Variants in DGKA observed in about 807,000 individuals in gnomAD.
DGKA encodes the protein 80 kDa diacylglycerol kinase.
Under a neutral mutation model 105.0 loss-of-function variants are expected in DGKA, and 35 were observed. The observed-to-expected ratio is 0.33, with a 90% CI of 0.25 to 0.44. The LOEUF (loss-of-function observed/expected upper bound fraction) is 0.44, where lower values mean the gene tolerates loss of function less well. Ranked by LOEUF, DGKA falls within the 20% of genes least tolerant of loss-of-function variation. The pLI is 1.00. For missense variants in DGKA, 665 were observed against 915.0 expected (o/e 0.73, Z 3.53); for synonymous variants, 296 against 332.0 (o/e 0.89, Z 1.18).
intron 4 of DGKA, 90 bp downstream of exon 4, chr12:55,937,633 C>T (rs974558757): frequency 2.4e-5 from 36 of 1,512,626 alleles, no homozygotes; most frequent in Admixed American, 9.4e-5. Context: ...TTGAGTCACA[C>T]GTTGTGCAGG....
intron 17 of DGKA, among the ~76,000 whole-genome samples, chr12:55,950,318 A>T (rs1887906212): frequency 7.1e-6 from 1 of 140,904 alleles, no homozygotes; most frequent in Non-Finnish European, 1.6e-5. Context: ...TTTATTTTTT[A>T]TTTTTTGAGA....
chr12:55,940,731 C>T lies in DGKA; in HGVS notation c.1017+9C>T, dbSNP rs1245484046. On this transcript the variant is annotated intron_variant, in intron 12 of 23. Transcript: ENST00000331886. The surrounding 1 kb of genome is among the most constrained non-coding windows in gnomAD (Gnocchi z 4.3). ...TCTATCCCAGTGTCCTGGTGAGACC[C>T]TCGGCAGCAGCGGGGAGGGGACAGG... 1.2e-6 allele frequency: 2 copies of T among 1,612,450 alleles called. No individual in the cohort carries two copies. Among genetic ancestry groups the T allele is most frequent in the Non-Finnish European group, 1.7e-6 (2 of 1,179,600 alleles).
chr12:55,948,156 C>T (rs1280411753), intron 17 of DGKA, among the ~76,000 whole-genome samples: 1 of 150,892 alleles, frequency 6.6e-6, no homozygotes, highest in Non-Finnish European at 1.5e-5. Context: ...AATCCCAGCA[C>T]TTTGGGAGGC....
chr12:55,937,123 C>T, intron 3 of DGKA, 33 bp downstream of exon 3: 1 of 1,607,224 alleles, frequency 6.2e-7, no homozygotes, highest in East Asian at 2.2e-5. Flanking sequence ...TCTTCTTGAT[C>T]AACTCTTCCC....
rs890601781 is a variant in DGKA, at chr12:55,946,329, C to G, written c.1426+4066C>G. Among the ~76,000 whole-genome samples the G allele has an allele frequency of 4.6e-5, 7 of 151,732 alleles. No individual in the cohort carries two copies. In the East Asian group the frequency reaches 1.4e-3, roughly 29 times the overall value. Reference sequence around the variant, plus strand: ...GGGATTACAGGCATGTGCTACAACACCTGGCTAATTTTGTTTTGTTGTTGT... The same window carrying G: ...GGGATTACAGGCATGTGCTACAACAGCTGGCTAATTTTGTTTTGTTGTTGT... On this transcript the variant is annotated intron_variant, in intron 17 of 23. Transcript: ENST00000331886.
At position 55,952,057 on chromosome 12, in the gene DGKA, TC is replaced by T. The variant is rs1302123817; in HGVS notation, c.1612del (p.His538ThrfsTer15). The T allele has an allele frequency of 6.2e-7, 1 of 1,614,034 alleles. No individual in the cohort carries two copies. On this transcript the variant is annotated frameshift_variant, in exon 19 of 24. Coordinates refer to ENST00000331886, the MANE Select transcript of DGKA (RefSeq NM_001345.5). LOFTEE classifies it high-confidence loss of function. The surrounding 1 kb of genome is among the most constrained non-coding windows in gnomAD (Gnocchi z 5.1). ...IGVDASIAHR[F>X]HIMREKYPEK... ...CAGGATGCCTCTATTGCTCATCGAT[TC>T]CACATCATGCGAGAGAAATATCCGG... is the stretch of plus-strand genomic sequence containing the variant.
rs1248097040 is a variant in DGKA at position 55,938,035 on chromosome 12, C to T, written c.332C>T (p.Pro111Leu). Reference protein sequence around the residue: ...CYFSLLEGGRPEDKLEFTFKL... With the variant: ...CYFSLLEGGRLEDKLEFTFKL... Reference sequence around the variant, plus strand: ...TTTTCCCTTCTGGAGGGTGGTCGGCCAGAAGACAAGTTAGAATGTGAGTTG... The same window carrying T: ...TTTTCCCTTCTGGAGGGTGGTCGGCTAGAAGACAAGTTAGAATGTGAGTTG... The change falls in exon 5 of 24, where the codon CCA (proline) becomes CTA (leucine). Residue 111 changes from proline (P) to leucine (L), a missense_variant. This residue lies in a region of DGKA where 504 missense variants were observed against 681.2 expected (regional missense o/e 0.74). Coordinates refer to ENST00000331886, the MANE Select transcript of DGKA (RefSeq NM_001345.5). The T allele has an allele frequency of 6.2e-7, 1 of 1,614,052 alleles. No individual in the cohort carries two copies. The highest frequency in any genetic ancestry group is 8.5e-7 in the Non-Finnish European group (1 of 1,180,010).
At chr12:55,938,076 G>A (rs1469462925) in intron 5 of DGKA, 24 bp downstream of exon 5, 4 of 1,602,724 alleles carry the variant, frequency 2.5e-6, no homozygotes, top group South Asian at 2.2e-5. Context: ...CTGAAGTGAG[G>A]TGGCAGGGCA....
Position 55,940,442 on chromosome 12 carries a change from G to T in DGKA, c.918+9G>T. On this transcript the variant is annotated intron_variant, in intron 11 of 23. Coordinates refer to ENST00000331886, the MANE Select transcript of DGKA (RefSeq NM_001345.5). This position sits in a 1 kb window ranked among gnomAD's most constrained non-coding sequence, Gnocchi z 4.3. ...TATGGTGCCACCTAGAGGTCAGTTT[G>T]GGAGCCATCCCTTCTGGGTGCGTCT... The T allele has an allele frequency of 6.2e-7, 1 of 1,613,860 alleles. No individual in the cohort carries two copies. The highest frequency in any genetic ancestry group is 8.5e-7 in the Non-Finnish European group (1 of 1,179,910).
intron 17 of DGKA, among the ~76,000 whole-genome samples, chr12:55,949,528 A>C (rs532491159): frequency 6.6e-6 from 1 of 152,316 alleles, no homozygotes; most frequent in Non-Finnish European, 1.5e-5. Context: ...ATTGGATAAC[A>C]TTTTGATAAA....
In DGKA at chr12:55,940,035, G is replaced by C; in HGVS notation, c.710-47G>C. ...CTCACCCTCAGGTAAGAAGGAAATAGGGGGAGAGGCTCAGCTAAGCCTCCC... is the reference window on the plus strand; with the variant it reads ...CTCACCCTCAGGTAAGAAGGAAATACGGGGAGAGGCTCAGCTAAGCCTCCC... On this transcript the variant is annotated intron_variant, in intron 9 of 23. Transcript: ENST00000331886. This position sits in a 1 kb window ranked among gnomAD's most constrained non-coding sequence, Gnocchi z 4.3. 3 of 1,521,360 alleles carry C rather than the reference G, an allele frequency of 2.0e-6. No individual in the cohort carries two copies. Among genetic ancestry groups the C allele is most frequent in the Non-Finnish European group, 2.7e-6 (3 of 1,096,474 alleles). The allele number at this position is 1,521,360 out of a possible 1,614,324, so 94.2% of individuals were successfully genotyped here. A position where few individuals can be genotyped will look rare whatever the true frequency, so the allele number is the denominator to read the frequency against.
Position 55,939,541 on chromosome 12 carries a change from G to C in DGKA, c.709+12G>C. The C allele has an allele frequency of 6.2e-7, 1 of 1,613,324 alleles. No homozygotes were observed. The highest frequency in any genetic ancestry group is 8.5e-7 in the Non-Finnish European group (1 of 1,179,536). ...ACTGAGCTGTAACCGTGAGTAATGG[G>C]AGCTGGGAGGTAGGGGAAGAGGGTC... On this transcript the variant is annotated intron_variant, in intron 9 of 23. Transcript: ENST00000331886.
chr12:55,935,842 C>A, intron 1 of DGKA: 1 of 978,076 alleles, frequency 1.0e-6, no homozygotes, highest in South Asian at 4.7e-5. Flanking sequence ...GCGTCAGAAG[C>A]GCTAGAGGTC....
intron 1 of DGKA, chr12:55,936,071 A>ATCTCGGTGGTCGCCGT: frequency 1.0e-6 from 1 of 972,648 alleles, no homozygotes; most frequent in Non-Finnish European, 1.2e-6. Context: ...GAAAGCGCAG[A>ATCTCGGTGGTCGCCGT]AACAGACAAG....
upstream of DGKA, chr12:55,927,708 C>T: frequency 6.5e-7 from 1 of 1,539,274 alleles, no homozygotes; most frequent in South Asian, 1.2e-5. Context: ...AGGCGGAGGG[C>T]GCCGCGGGTC....
intron 6 of DGKA, 23 bp from the exon 7 acceptor site, chr12:55,938,892 G>A: frequency 1.2e-6 from 2 of 1,614,020 alleles, no homozygotes; most frequent in East Asian, 2.2e-5. Flanking sequence ...ATATGGCTGT[G>A]GCTCTTGCCC....
intron 17 of DGKA, among the ~76,000 whole-genome samples, chr12:55,949,667 G>A (rs962265989): frequency 6.6e-6 from 1 of 152,150 alleles, no homozygotes; most frequent in African/African-American, 2.4e-5. Flanking sequence ...TTGCCAACCT[G>A]ATATGCAACA....
At chr12:55,946,148 A>G (rs949294942) in intron 17 of DGKA, among the ~76,000 whole-genome samples, 17 of 150,152 alleles carry the variant, frequency 1.1e-4, no homozygotes, top group Admixed American at 6.6e-5. Flanking sequence ...TAACATTCAC[A>G]GTTTCTTTTT....
At position 55,953,025 on chromosome 12, in the gene DGKA, C is replaced by T; in HGVS notation, c.1943-15C>T. 6.2e-7 allele frequency: 1 copy of T among 1,614,156 alleles called. No individual in the cohort carries two copies. The highest frequency in any genetic ancestry group is 8.5e-7 in the Non-Finnish European group (1 of 1,180,012). Reference sequence around the variant, plus strand: ...CCCTGTTTATGTAAAACTTTACTCCCTACTTCGTCCCCAGACCTAAGTGAC... The same window carrying T: ...CCCTGTTTATGTAAAACTTTACTCCTTACTTCGTCCCCAGACCTAAGTGAC... On this transcript the variant is annotated splice_polypyrimidine_tract_variant and intron_variant, in intron 21 of 23. Transcript: ENST00000331886.
Sources: allele counts gnomAD v4.1 joint callset (sites outside exome capture counted in the v4.1 genomes callset), GRCh38; gene constraint gnomAD v4.1.1; regional missense constraint gnomAD v4.1.1; non-coding constraint Gnocchi (gnomAD v3.1); transcripts MANE v1.5; gene names NCBI Gene and HGNC (gene_info 2026-07-23, HGNC 2026-07-21).